The following LINGO2 variants were observed in gnomAD, a reference collection of about 807,000 sequenced individuals.
The protein encoded by LINGO2 is leucine-rich repeat and immunoglobulin-like domain-containing nogo receptor-interacting protein 2.
Under a neutral mutation model 30.6 loss-of-function variants are expected in LINGO2, and 14 were observed. The observed-to-expected ratio is 0.46, with a 90% CI of 0.30 to 0.72. LINGO2 has a LOEUF of 0.72. LINGO2 is among the 30% of genes least tolerant of loss of function. LINGO2 has a pLI of 0.07. For missense variants in LINGO2, 729 were observed against 751.7 expected (o/e 0.97, Z 0.35); for synonymous variants, 317 against 288.5 (o/e 1.10, Z -1.00).
At chr9:28,961,476 A>G in the LINGO2 span, among the ~76,000 whole-genome samples, 1 of 152,162 alleles carries the variant, frequency 6.6e-6, no homozygotes, top group Non-Finnish European at 1.5e-5. Flanking sequence ...GGACTCATCC[A>G]TATCCTTTCC....
At chr9:29,043,950 C>T in the LINGO2 span, among the ~76,000 whole-genome samples, 1 of 152,018 alleles carries the variant, frequency 6.6e-6, no homozygotes, top group Non-Finnish European at 1.5e-5. Flanking sequence ...TTAACTCATT[C>T]ACCAGCTATT....
At chr9:29,139,155 T>C in the LINGO2 span, among the ~76,000 whole-genome samples, 2 of 152,124 alleles carry the variant, frequency 1.3e-5, no homozygotes, top group South Asian at 4.1e-4. Context: ...ACTTGGATCC[T>C]CAGCTCAACA....
chr9:27,976,366 T>C (rs999511018), intron 5 of LINGO2, among the ~76,000 whole-genome samples: 1 of 152,084 alleles, frequency 6.6e-6, no homozygotes, highest in Non-Finnish European at 1.5e-5. Context: ...TCTGATGAAC[T>C]CCTGTGTTCT....
chr9:29,110,762 C>T, the LINGO2 span, among the ~76,000 whole-genome samples: 1 of 152,068 alleles, frequency 6.6e-6, no homozygotes, highest in African/African-American at 2.4e-5. Context: ...GCGATCTCGG[C>T]TCACTGCAAG....
chr9:29,143,490 G>A, the LINGO2 span, among the ~76,000 whole-genome samples: 1 of 152,018 alleles, frequency 6.6e-6, no homozygotes, highest in African/African-American at 2.4e-5. Flanking sequence ...AGATTAGAGA[G>A]CCTAGAAATA....
At chr9:27,937,906 G>A in the LINGO2 span, 1 of 152,108 alleles carries the variant, frequency 6.6e-6, no homozygotes, top group Non-Finnish European at 1.5e-5. Context: ...ATGAAATGAG[G>A]AGAATTATAG....
intron 1 of LINGO2, among the ~76,000 whole-genome samples, chr9:28,564,772 A>C (rs951007276): frequency 2.6e-5 from 4 of 152,100 alleles, no homozygotes; most frequent in Admixed American, 2.6e-4. Flanking sequence ...GTCACTTTAC[A>C]CTTAAATCAG....
At chr9:28,391,038 A>G (rs562041992) in intron 2 of LINGO2, among the ~76,000 whole-genome samples, 7 of 152,280 alleles carry the variant, frequency 4.6e-5, no homozygotes, top group African/African-American at 1.4e-4. Context: ...AAAACCATTA[A>G]AACTTAGATG....
the LINGO2 span, among the ~76,000 whole-genome samples, chr9:28,868,687 T>G: frequency 2.0e-5 from 3 of 152,140 alleles, no homozygotes; most frequent in African/African-American, 7.2e-5. Context: ...CTTTCAGTGC[T>G]TATTATTTCT....
chr9:28,331,584 T>C (rs1422992794), intron 3 of LINGO2, among the ~76,000 whole-genome samples: 1 of 152,162 alleles, frequency 6.6e-6, no homozygotes, highest in African/African-American at 2.4e-5. Context: ...TGGGTCAGGG[T>C]AGCCTCAACA....
At chr9:28,919,583 A>G in the LINGO2 span, among the ~76,000 whole-genome samples, 1 of 152,140 alleles carries the variant, frequency 6.6e-6, no homozygotes, top group Non-Finnish European at 1.5e-5. Context: ...ACAATCAGAA[A>G]TCACAGGTGT....
chr9:29,064,253 G>A, the LINGO2 span, among the ~76,000 whole-genome samples: 1 of 151,926 alleles, frequency 6.6e-6, no homozygotes, highest in Non-Finnish European at 1.5e-5. Flanking sequence ...ACTGTGATGA[G>A]TATAGGAATC....
At chr9:28,604,597 G>C (rs1043005971) in intron 1 of LINGO2, among the ~76,000 whole-genome samples, 1 of 151,974 alleles carries the variant, frequency 6.6e-6, no homozygotes, top group African/African-American at 2.4e-5. Flanking sequence ...TTAACAATGA[G>C]AGTATTTAGA....
intron 1 of LINGO2, among the ~76,000 whole-genome samples, chr9:28,500,713 TG>T (rs1214972838): frequency 2.0e-5 from 3 of 152,040 alleles, no homozygotes; most frequent in Non-Finnish European, 4.4e-5. Flanking sequence ...ATGGAAGAGA[TG>T]ATTTTTTAAT....
rs913544986 is a variant in LINGO2, at chr9:28,149,763, T to C, written c.-86-137358A>G. Among the ~76,000 whole-genome samples, 34 of 122,506 alleles carry C rather than the reference T, an allele frequency of 2.8e-4. 2 individuals are homozygous for C. The highest frequency in any genetic ancestry group is 5.9e-4 in the Admixed American group (7 of 11,894). The allele number at this position is 122,506 out of a possible 152,430, so 80.4% of individuals were successfully genotyped here. A position where few individuals can be genotyped will look rare whatever the true frequency, so the allele number is the denominator to read the frequency against. ...GCCCAGCTGCCCACCGTCTGGGAAT[T>C]GAGGAGGAGCACTGCCTCTGCCCGG... On this transcript the variant is annotated intron_variant, in intron 4 of 5. Coordinates refer to ENST00000379992, the Ensembl canonical transcript of LINGO2.
the LINGO2 span, among the ~76,000 whole-genome samples, chr9:28,902,366 C>T: frequency 5.9e-5 from 9 of 152,100 alleles, no homozygotes; most frequent in Admixed American, 5.9e-4. Context: ...AATTTATATT[C>T]ACTTAACATT....
chr9:28,233,847 C>A (rs1282697471), intron 4 of LINGO2, among the ~76,000 whole-genome samples: 1 of 152,240 alleles, frequency 6.6e-6, no homozygotes, highest in South Asian at 2.1e-4. Flanking sequence ...AAAAAGGGAT[C>A]CTGTTGCCTT....
the LINGO2 span, among the ~76,000 whole-genome samples, chr9:28,849,042 T>A: frequency 7.2e-5 from 11 of 151,968 alleles, no homozygotes; most frequent in African/African-American, 2.7e-4. Flanking sequence ...TCCCCTCTAC[T>A]CAGAGCACAA....
chr9:29,099,909 T>C, the LINGO2 span, among the ~76,000 whole-genome samples: 1 of 152,032 alleles, frequency 6.6e-6, no homozygotes, highest in African/African-American at 2.4e-5. Context: ...GAAATTACTA[T>C]ATTGAAGAGA....
Sources: gnomAD v4.1 joint callset for allele counts (sites outside exome capture counted in the v4.1 genomes callset) on GRCh38, gnomAD v4.1.1 for gene constraint, MANE v1.5 for transcripts, NCBI Gene and HGNC (gene_info 2026-07-23, HGNC 2026-07-21) for gene names.